The following FDX1 variants were observed in gnomAD, a reference collection of about 807,000 sequenced individuals.
FDX1 encodes the protein adrenodoxin, mitochondrial.
In FDX1, 9 loss-of-function variants were observed where a neutral mutation model predicts 14.9. That is an observed-to-expected ratio of 0.60 (90% CI 0.36 to 1.05). FDX1 has a LOEUF of 1.05. Among genes scored for constraint, FDX1 ranks in the 50% least tolerant of loss-of-function variants. The pLI is 0.01. For synonymous variants in FDX1, 92 were observed against 99.4 expected (o/e 0.93, Z 0.44); for missense variants, 204 against 237.2 (o/e 0.86, Z 0.92).
At position 110,430,388 on chromosome 11, in the gene FDX1, G is replaced by A. The variant is rs1233003997; in HGVS notation, c.185+83G>A. ...CCTGGCTCTCTGGGCCGAGTCTCTG[G>A]TTCCAGTGCCTTCTGCGCGCCGGGC... On this transcript the variant is annotated intron_variant, in intron 1 of 3. Coordinates refer to ENST00000260270, the MANE Select transcript of FDX1 (RefSeq NM_004109.5). 7.2e-6 allele frequency: 7 copies of A among 970,910 alleles called. No individual in the cohort carries two copies. The East Asian group carries it at 2.9e-4, about 40-fold the overall frequency. The allele number at this position is 970,910 out of a possible 1,614,324, so 60.1% of individuals were successfully genotyped here. A position where few individuals can be genotyped will look rare whatever the true frequency, so the allele number is the denominator to read the frequency against.
At position 110,445,866 on chromosome 11, in the gene FDX1, A is replaced by G. The variant is rs373940038; in HGVS notation, c.310+9908A>G. On this transcript the variant is annotated intron_variant, in intron 2 of 3. Transcript: ENST00000260270. The stretch of plus-strand genomic sequence containing the variant: ...AGCTAATATTGTTAACATAGGTATT[A>G]ATACAGATTCATTGTTCATTATAGC... Among the ~76,000 whole-genome samples, 15 of 152,344 alleles carry G rather than the reference A, an allele frequency of 9.8e-5. 1 individual carries two copies. The East Asian group carries it at 2.3e-3, about 23-fold the overall frequency.
At chr11:110,431,237 T>A (rs1386783642) in intron 1 of FDX1, among the ~76,000 whole-genome samples, 1 of 152,234 alleles carries the variant, frequency 6.6e-6, no homozygotes, top group African/African-American at 2.4e-5. Context: ...TTGGGCATAT[T>A]TGTTTTTCAA....
At chr11:110,462,302 T>A in intron 3 of FDX1, 52 bp from the exon 4 acceptor site, 1 of 1,004,578 alleles carries the variant, frequency 1.0e-6, no homozygotes. Flanking sequence ...TGCATTGCCT[T>A]GTGAATATAT....
Position 110,450,008 on chromosome 11 carries a change from T to C in FDX1, c.311-6910T>C, listed in dbSNP as rs1946476224. ...ACAGCACATGCTCATTTCATTTCCT[T>C]ACCCCCACTCCCATCTGCTGGTAAC... On this transcript the variant is annotated intron_variant, in intron 2 of 3. Coordinates refer to ENST00000260270, the MANE Select transcript of FDX1 (RefSeq NM_004109.5). Among the ~76,000 whole-genome samples, 4 of 152,152 alleles carry C rather than the reference T, an allele frequency of 2.6e-5. No individual in the cohort carries two copies. The South Asian group carries it at 8.3e-4, about 32-fold the overall frequency.
At chr11:110,435,649 A>AC (rs1299256032) in intron 1 of FDX1, among the ~76,000 whole-genome samples, 185 bp from the exon 2 acceptor site, 8 of 152,194 alleles carry the variant, frequency 5.3e-5, no homozygotes, top group African/African-American at 1.9e-4. Context: ...GGAATTTGAG[A>AC]CCAGCTTGAG....
In FDX1 at chr11:110,430,113, C is replaced by T. The variant is rs1946319290; in HGVS notation, c.-8C>T. 3.2e-6 allele frequency: 4 copies of T among 1,232,612 alleles called. No homozygotes were observed. The highest frequency in any genetic ancestry group is 1.6e-5 in the African/African-American group (1 of 63,694). 76.4% of individuals were successfully genotyped at this position (1,232,612 alleles called of 1,614,324 possible). On this transcript the variant is annotated 5_prime_UTR_variant, in exon 1 of 4. Transcript: ENST00000260270. ...TGCGTCGCTTCCGGCAGTTCCCGACCGCGGGCGATGGCTGCCGCTGGGGGC... is the reference window on the plus strand; with the variant it reads ...TGCGTCGCTTCCGGCAGTTCCCGACTGCGGGCGATGGCTGCCGCTGGGGGC...
rs1200761108 is a variant in FDX1, at chr11:110,430,437, C to G, written c.185+132C>G. The G allele has an allele frequency of 1.9e-5, 10 of 529,966 alleles. No individual in the cohort carries two copies. In the East Asian group the frequency reaches 4.9e-4, roughly 26 times the overall value. The allele number at this position is 529,966 out of a possible 1,614,324, so 32.8% of individuals were successfully genotyped here. A position where few individuals can be genotyped will look rare whatever the true frequency, so the allele number is the denominator to read the frequency against. On this transcript the variant is annotated intron_variant, in intron 1 of 3. Coordinates refer to ENST00000260270, the MANE Select transcript of FDX1 (RefSeq NM_004109.5). ...GCCCACACCCCGGAGGCCTGCCTCT[C>G]GCCCCCCTCTTCTGGGGTGCTCTCG...
intron 3 of FDX1, among the ~76,000 whole-genome samples, chr11:110,459,777 C>T (rs1486705906): frequency 6.6e-6 from 1 of 152,212 alleles, no homozygotes; most frequent in African/African-American, 2.4e-5. Flanking sequence ...GAGACACCAT[C>T]TATACTGGTG....
Position 110,457,725 on chromosome 11 carries a change from A to G in FDX1, c.440+678A>G, listed in dbSNP as rs542632660. 2.0e-5 allele frequency among the ~76,000 whole-genome samples: 3 copies of G among 146,780 alleles called. No homozygotes were observed. The South Asian group carries it at 6.5e-4, about 32-fold the overall frequency. On this transcript the variant is annotated intron_variant, in intron 3 of 3. Coordinates refer to ENST00000260270, the MANE Select transcript of FDX1 (RefSeq NM_004109.5). ...TAACTCTAGTTTGGTGACCTTAATG[A>G]CAAATAATTTTTTAAAAATTAAAGA... is the stretch of plus-strand genomic sequence containing the variant.
In FDX1 at chr11:110,462,507, A is replaced by G. The variant is rs779685457; in HGVS notation, c.*39A>G. 2.8e-6 allele frequency: 3 copies of G among 1,055,870 alleles called. No individual in the cohort carries two copies. Among genetic ancestry groups the G allele is most frequent in the Admixed American group, 3.7e-5 (2 of 53,798 alleles). The allele number at this position is 1,055,870 out of a possible 1,614,324, so 65.4% of individuals were successfully genotyped here. On this transcript the variant is annotated 3_prime_UTR_variant, in exon 4 of 4. Transcript: ENST00000260270. ...GGAATATTTTCATGGAATTTTACCT[A>G]TTTTTATAATTATTATTTCTTAAAG... is the stretch of plus-strand genomic sequence containing the variant.
At chr11:110,430,448 TC>T (rs1946323172) in intron 1 of FDX1, 143 bp downstream of exon 1, 1 of 448,682 alleles carries the variant, frequency 2.2e-6, no homozygotes, top group East Asian at 4.9e-5. Flanking sequence ...GCCCCCCTCT[TC>T]TGGGGTGCTC....
chr11:110,446,591 G>A (rs1312838161), intron 2 of FDX1, among the ~76,000 whole-genome samples: 2 of 151,946 alleles, frequency 1.3e-5, no homozygotes, highest in Non-Finnish European at 2.9e-5. Flanking sequence ...GTCCTTCCTC[G>A]AGTCTTTCCT....
chr11:110,456,816 T>A lies in FDX1; in HGVS notation c.311-102T>A, dbSNP rs976143415. On this transcript the variant is annotated intron_variant, in intron 2 of 3. Transcript: ENST00000260270. The stretch of plus-strand genomic sequence containing the variant: ...GAGCCACTGTGCCCGGCCTCACTTA[T>A]GTATTCTAATGCTGATTCTAACATT... 3 of 1,289,238 alleles carry A rather than the reference T, an allele frequency of 2.3e-6. No individual in the cohort carries two copies. In the Admixed American group the frequency reaches 7.0e-5, roughly 30 times the overall value. The allele number at this position is 1,289,238 out of a possible 1,614,324, so 79.9% of individuals were successfully genotyped here.
At chr11:110,431,035 G>T (rs1239467559) in intron 1 of FDX1, among the ~76,000 whole-genome samples, 2 of 152,178 alleles carry the variant, frequency 1.3e-5, no homozygotes, top group Non-Finnish European at 1.5e-5. Flanking sequence ...GAATCAATGA[G>T]TTAATACAGC....
intron 3 of FDX1, among the ~76,000 whole-genome samples, chr11:110,461,591 A>G (rs1377305252): frequency 6.6e-6 from 1 of 151,132 alleles, no homozygotes; most frequent in African/African-American, 2.4e-5. Context: ...TCTTAAAATG[A>G]CAAATATTTA....
chr11:110,433,783 T>G (rs541679441), intron 1 of FDX1, among the ~76,000 whole-genome samples: 1 of 152,062 alleles, frequency 6.6e-6, no homozygotes, highest in South Asian at 2.1e-4. Context: ...TAGAATCCTG[T>G]TTTTTTTCCC....
chr11:110,430,435 C>T (rs1456567509), intron 1 of FDX1, 130 bp downstream of exon 1: 1 of 526,672 alleles, frequency 1.9e-6, no homozygotes. Context: ...AGGCCTGCCT[C>T]TCGCCCCCCT....
chr11:110,431,696 G>A (rs748606790), intron 1 of FDX1, among the ~76,000 whole-genome samples: 1 of 152,206 alleles, frequency 6.6e-6, no homozygotes, highest in Non-Finnish European at 1.5e-5. Flanking sequence ...CTGGTATAAG[G>A]GAACATGAAT....
chr11:110,456,872 G>A (rs371881549), intron 2 of FDX1, 46 bp from the exon 3 acceptor site: 199 of 1,559,244 alleles, frequency 1.3e-4, no homozygotes, highest in Non-Finnish European at 1.4e-4. Flanking sequence ...GGTATGAATC[G>A]TCTGATGTAG....
Sources: allele counts gnomAD v4.1 joint callset (sites outside exome capture counted in the v4.1 genomes callset), GRCh38; gene constraint gnomAD v4.1.1; transcripts MANE v1.5; gene names NCBI Gene and HGNC (gene_info 2026-07-23, HGNC 2026-07-21).